Variants in TMEM214 observed in about 807,000 individuals in gnomAD.
The protein encoded by TMEM214 is transmembrane protein 214.
Under a neutral mutation model 89.8 loss-of-function variants are expected in TMEM214, and 71 were observed. The observed-to-expected ratio is 0.79, with a 90% CI of 0.65 to 0.96. TMEM214 has a LOEUF of 0.96. Among genes scored for constraint, TMEM214 ranks in the 40% least tolerant of loss-of-function variants. The probability of loss-of-function intolerance (pLI) is 0.00; values close to 1 mark genes in which losing one functional copy is unlikely to be tolerated. For missense variants in TMEM214, 754 were observed against 843.4 expected (o/e 0.89, Z 1.31); for synonymous variants, 332 against 349.5 (o/e 0.95, Z 0.56).
intron 5 of TMEM214, 50 bp downstream of exon 5, chr2:27,036,102 C>A: frequency 6.4e-7 from 1 of 1,567,708 alleles, no homozygotes; most frequent in Non-Finnish European, 8.8e-7. Context: ...ACTGGGGAGG[C>A]TGGGCAGAAT....
At chr2:27,037,905 T>A (rs1667638496) in intron 9 of TMEM214, 1 of 1,551,446 alleles carries the variant, frequency 6.4e-7, no homozygotes, top group African/African-American at 1.4e-5. Flanking sequence ...CTGGGTGGTT[T>A]CTGATGCCCG....
Position 27,033,033 on chromosome 2 carries a change from G to T in TMEM214, c.18G>T (p.Ala6=). The stretch of plus-strand genomic sequence containing the variant: ...TGCGAGCCATGGCGACCAAGACGGC[G>T]GGCGTGGGGCGGTGGGAGGTAGTGA... MATKT[A]GVGRWEVVKK... is the part of the protein sequence containing the mutation. Residue 6 remains alanine, a synonymous_variant, in exon 1 of 17, where the codon GCG becomes GCT. Transcript: ENST00000238788. 8.0e-7 allele frequency: 1 copy of T among 1,247,136 alleles called. No individual in the cohort carries two copies. The highest frequency in any genetic ancestry group is 1.0e-6 in the Non-Finnish European group (1 of 987,962). 77.3% of individuals were successfully genotyped at this position (1,247,136 alleles called of 1,614,324 possible).
intron 1 of TMEM214, 31 bp downstream of exon 1, chr2:27,033,197 C>G (rs927019568): frequency 8.0e-7 from 1 of 1,246,400 alleles, no homozygotes; most frequent in African/African-American, 1.6e-5. Context: ...GCCGCCTACC[C>G]CAGGCCTGTC....
At position 27,040,993 on chromosome 2, in the gene TMEM214, T is replaced by G; in HGVS notation, c.*156T>G. ...TGCCTCCACCTCAGTTCTTCCATCT[T>G]TGGTGGGGACAGGGCCCAGCAGCAT... is the stretch of plus-strand genomic sequence containing the variant. On this transcript the variant is annotated 3_prime_UTR_variant, in exon 17 of 17. Transcript: ENST00000238788. 1 of 888,926 alleles carries G rather than the reference T, an allele frequency of 1.1e-6. No homozygotes were observed. Among genetic ancestry groups the G allele is most frequent in the Non-Finnish European group, 1.7e-6 (1 of 590,648 alleles). 55.1% of individuals were successfully genotyped at this position (888,926 alleles called of 1,614,324 possible).
chr2:27,040,236 T>C (rs909023091), intron 15 of TMEM214, 38 bp downstream of exon 15: 2 of 1,605,398 alleles, frequency 1.2e-6, no homozygotes, highest in Admixed American at 3.3e-5. Context: ...GGGGCTGGTT[T>C]TCCCAGGAGC....
At position 27,037,159 on chromosome 2, in the gene TMEM214, A is replaced by G. The variant is rs370683102; in HGVS notation, c.991A>G (p.Asn331Asp). ...ACTTCTGGACTTTGCCTATATGCCG[A>G]ACAACTCCCTGACACCCAGGTAGGA... is the stretch of plus-strand genomic sequence containing the variant. ...FPLLDFAYMP[N>D]NSLTPSLQEQ... Residue 331 changes from asparagine to aspartate, a missense_variant, in exon 8 of 17, where the codon AAC becomes GAC. Transcript: ENST00000238788. 7 of 1,613,762 alleles carry G rather than the reference A, an allele frequency of 4.3e-6. No homozygotes were observed. Among genetic ancestry groups the G allele is most frequent in the African/African-American group, 4.0e-5 (3 of 74,820 alleles).
chr2:27,038,135 G>A lies in TMEM214; in HGVS notation c.1153-11G>A, dbSNP rs745528280. On this transcript the variant is annotated splice_polypyrimidine_tract_variant and intron_variant, in intron 9 of 16. Transcript: ENST00000238788. The surrounding 1 kb of genome is among the most constrained non-coding windows in gnomAD (Gnocchi z 4.4). ...GCCCCCAGCAGCCTCTCCCTCTGTC[G>A]TGCTGTGCAGCTCCTGAGCAGCCTG... 43 of 1,613,882 alleles carry A rather than the reference G, an allele frequency of 2.7e-5. No individual in the cohort carries two copies. Among genetic ancestry groups the A allele is most frequent in the African/African-American group, 4.0e-5 (3 of 74,892 alleles).
chr2:27,035,896 C>T (rs541628312), intron 4 of TMEM214, 74 bp from the exon 5 acceptor site: 63 of 1,588,628 alleles, frequency 4.0e-5, no homozygotes, highest in Middle Eastern at 1.7e-4. Context: ...CTGGGCTCAC[C>T]GCTGACAAAT....
Position 27,040,029 on chromosome 2 carries a change from G to A in TMEM214, c.1623-1G>A. The A allele has an allele frequency of 6.2e-7, 1 of 1,602,834 alleles. No individual in the cohort carries two copies. The highest frequency in any genetic ancestry group is 8.5e-7 in the Non-Finnish European group (1 of 1,178,012). ...TCTTCCCCCACTTCCATCTTCCACAGCTGGCTGGGGGAGACACTGCCGCTC... is the reference window on the plus strand; with the variant it reads ...TCTTCCCCCACTTCCATCTTCCACAACTGGCTGGGGGAGACACTGCCGCTC... On this transcript the variant is annotated splice_acceptor_variant, in intron 14 of 16. Transcript: ENST00000238788. LOFTEE classifies it high-confidence loss of function.
At position 27,040,201 on chromosome 2, in the gene TMEM214, A is replaced by G. The variant is rs1470264403; in HGVS notation, c.1791+3A>G. The G allele has an allele frequency of 6.2e-7, 1 of 1,605,742 alleles. No homozygotes were observed. Among genetic ancestry groups the G allele is most frequent in the Non-Finnish European group, 8.5e-7 (1 of 1,179,938 alleles). On this transcript the variant is annotated splice_donor_region_variant and intron_variant, in intron 15 of 16. Transcript: ENST00000238788. ...GTCTCACCAGTCTCTCTCAGAGGGT[A>G]AGTCAGAGACAGGGAGTCAAATAAG...
At position 27,036,709 on chromosome 2, in the gene TMEM214, G is replaced by C; in HGVS notation, c.831G>C (p.Trp277Cys). 6.2e-7 allele frequency: 1 copy of C among 1,614,208 alleles called. No homozygotes were observed. ...TCGTGACTTTTACCCCTGCAGTGTGGCTGGGGATCATGCTGCCTGTGCTGG... is the reference window on the plus strand; with the variant it reads ...TCGTGACTTTTACCCCTGCAGTGTGCCTGGGGATCATGCTGCCTGTGCTGG... ...FANLTEGLKV[W>C]LGIMLPVLGI... Residue 277 changes from tryptophan to cysteine, a missense_variant, in exon 7 of 17, where the codon TGG becomes TGC. Physicochemically the swap from Trp to Cys is radical, Grantham distance 215. Transcript: ENST00000238788.
In TMEM214 at chr2:27,038,550, CGT is replaced by C; in HGVS notation, c.1293+20_1293+21del. The C allele has an allele frequency of 1.9e-6, 3 of 1,613,874 alleles. No individual in the cohort carries two copies. Among genetic ancestry groups the C allele is most frequent in the Non-Finnish European group, 2.5e-6 (3 of 1,179,914 alleles). ...CCAAGAAGGTGAGGAGCTGGGAGGA[CGT>C]GGCAGGTTGAGCCCTGTCTGGATTC... On this transcript the variant is annotated intron_variant, in intron 11 of 16. Transcript: ENST00000238788. The surrounding 1 kb of genome is among the most constrained non-coding windows in gnomAD (Gnocchi z 4.4).
Position 27,038,430 on chromosome 2 carries a change from G to A in TMEM214, c.1245-54G>A. On this transcript the variant is annotated intron_variant, in intron 10 of 16. Transcript: ENST00000238788. The surrounding 1 kb of genome is among the most constrained non-coding windows in gnomAD (Gnocchi z 4.4). The stretch of plus-strand genomic sequence containing the variant: ...GAGCCAGGGCTAATGGAGGACAGGA[G>A]GATGGGTGAGGCTGCGCGAGCCACC... 20 of 1,608,872 alleles carry A rather than the reference G, an allele frequency of 1.2e-5. No homozygotes were observed. Among genetic ancestry groups the A allele is most frequent in the Non-Finnish European group, 1.6e-5 (19 of 1,176,338 alleles).
intron 14 of TMEM214, 40 bp downstream of exon 14, chr2:27,039,877 G>T: frequency 6.3e-7 from 1 of 1,579,376 alleles, no homozygotes; most frequent in Non-Finnish European, 8.6e-7. Flanking sequence ...AGGCAGAAGA[G>T]AGAAGGCCTG....
rs112221610 is a variant in TMEM214 at position 27,039,848 on chromosome 2, C to T, written c.1622+11C>T. On this transcript the variant is annotated intron_variant, in intron 14 of 16. Coordinates refer to ENST00000238788, the MANE Select transcript of TMEM214 (RefSeq NM_017727.5). ...TCTGCAAGGCTACAGGTGAGCTCCTCCCAGGGAGGGGAGAGGAGAGGCAGA... is the reference window on the plus strand; with the variant it reads ...TCTGCAAGGCTACAGGTGAGCTCCTTCCAGGGAGGGGAGAGGAGAGGCAGA... The T allele has an allele frequency of 2.0e-5, 32 of 1,613,840 alleles. 1 individual carries two copies. The African/African-American group carries it at 2.1e-4, about 11-fold the overall frequency.
At chr2:27,033,209 G>C (rs1476865700) in intron 1 of TMEM214, 43 bp downstream of exon 1, 16 of 1,244,998 alleles carry the variant, frequency 1.3e-5, no homozygotes, top group Non-Finnish European at 1.6e-5. Context: ...AGGCCTGTCC[G>C]GCAGGGTCGC....
At position 27,039,139 on chromosome 2, in the gene TMEM214, C is replaced by T. The variant is rs377416619; in HGVS notation, c.1500C>T (p.Asp500=). Reference sequence around the variant, plus strand: ...TCGCTGTAGGCTTCCTGTGCCATGACCTCCGGTCACACAGCTCCTTCCAGG... The same window carrying T: ...TCGCTGTAGGCTTCCTGTGCCATGATCTCCGGTCACACAGCTCCTTCCAGG... The part of the protein sequence containing the change: ...LVFAVGFLCH[D]LRSHSSFQAS... Residue 500 remains aspartate (D), a synonymous_variant, in exon 13 of 17, where the codon GAC becomes GAT. Coordinates refer to ENST00000238788, the MANE Select transcript of TMEM214 (RefSeq NM_017727.5). 9 of 1,613,716 alleles carry T rather than the reference C, an allele frequency of 5.6e-6. No individual in the cohort carries two copies. The highest frequency in any genetic ancestry group is 1.7e-5 in the Admixed American group (1 of 60,002).
At chr2:27,037,515 G>A in intron 8 of TMEM214, 46 bp from the exon 9 acceptor site, 1 of 1,613,288 alleles carries the variant, frequency 6.2e-7, no homozygotes, top group East Asian at 2.2e-5. Flanking sequence ...ATATCATACA[G>A]CTCCACTTAT....
At chr2:27,035,528 C>T (rs893108591) in intron 3 of TMEM214, 66 bp from the exon 4 acceptor site, 1 of 1,594,654 alleles carries the variant, frequency 6.3e-7, no homozygotes, top group Non-Finnish European at 8.6e-7. Flanking sequence ...CCAGGGAGAG[C>T]ACCACAGTTC....
Sources: allele counts gnomAD v4.1 joint callset, GRCh38; gene constraint gnomAD v4.1.1; non-coding constraint Gnocchi (gnomAD v3.1); transcripts MANE v1.5; gene names NCBI Gene and HGNC (gene_info 2026-07-23, HGNC 2026-07-21).